Variants in NRXN3 observed in about 807,000 individuals in gnomAD.
NRXN3 encodes the protein neurexin 3.
In NRXN3, 32 loss-of-function variants were observed where a neutral mutation model predicts 137.6. The observed-to-expected ratio is 0.23, with a 90% CI of 0.18 to 0.31. The LOEUF (loss-of-function observed/expected upper bound fraction) is 0.31. Ranked by LOEUF, NRXN3 falls within the 10% of genes least tolerant of loss-of-function variation. The pLI, the probability that NRXN3 is intolerant of heterozygous loss-of-function variation, is 1.00. For missense variants in NRXN3, 1,574 were observed against 2,062.5 expected, an observed-to-expected ratio of 0.76 and a Z score of 4.59; for synonymous variants, 798 against 784.5, an observed-to-expected ratio of 1.02 and a Z score of -0.29.
chr14:78,686,255 A>T (rs1350373081), intron 6 of NRXN3, among the ~76,000 whole-genome samples: 1 of 152,204 alleles, frequency 6.6e-6, no homozygotes, highest in African/African-American at 2.4e-5. Flanking sequence ...TAATGAGTGG[A>T]TCGATAAATG....
intron 8 of NRXN3, among the ~76,000 whole-genome samples, chr14:78,789,701 T>C (rs2098799624): frequency 6.6e-6 from 1 of 152,210 alleles, no homozygotes; most frequent in Admixed American, 6.5e-5. Flanking sequence ...CTGTGCTTAA[T>C]AAATGATTTC....
intron 10 of NRXN3, among the ~76,000 whole-genome samples, chr14:78,812,018 G>A (rs947815423): frequency 1.3e-5 from 2 of 151,942 alleles, no homozygotes; most frequent in African/African-American, 4.8e-5. Flanking sequence ...GTTTTTTTAA[G>A]CAGCTTTATT....
At chr14:79,134,100 G>T (rs1332022335) in intron 15 of NRXN3, among the ~76,000 whole-genome samples, 1 of 151,902 alleles carries the variant, frequency 6.6e-6, no homozygotes, top group African/African-American at 2.4e-5. Flanking sequence ...CCCCTTAGTG[G>T]TGAAGAAACT....
At chr14:79,504,873 A>G (rs1473802340) in intron 16 of NRXN3, among the ~76,000 whole-genome samples, 1 of 151,954 alleles carries the variant, frequency 6.6e-6, no homozygotes, top group Non-Finnish European at 1.5e-5. Context: ...ATTTGCTTGT[A>G]GTCATAATAT....
At chr14:78,731,740 G>A (rs1170770125) in intron 8 of NRXN3, among the ~76,000 whole-genome samples, 1 of 149,852 alleles carries the variant, frequency 6.7e-6, no homozygotes, top group African/African-American at 2.5e-5. Flanking sequence ...TATATAACAT[G>A]TTAATGTAAT....
chr14:79,253,169 G>T (rs2076154554), intron 15 of NRXN3, among the ~76,000 whole-genome samples: 1 of 152,180 alleles, frequency 6.6e-6, no homozygotes, highest in African/African-American at 2.4e-5. Flanking sequence ...GTGTTTTGGG[G>T]AAGAGATTGT....
At chr14:78,867,023 T>C (rs1396072181) in intron 10 of NRXN3, among the ~76,000 whole-genome samples, 1 of 152,118 alleles carries the variant, frequency 6.6e-6, no homozygotes, top group Non-Finnish European at 1.5e-5. Flanking sequence ...GGTCTCGATC[T>C]CTTGACCTTG....
intron 10 of NRXN3, among the ~76,000 whole-genome samples, chr14:78,848,658 A>T (rs928448671): frequency 2.0e-5 from 3 of 152,176 alleles, no homozygotes; most frequent in Non-Finnish European, 4.4e-5. Flanking sequence ...AAATTGTTCA[A>T]CACTTCTTAA....
At chr14:79,769,658 G>T (rs561462314) in intron 19 of NRXN3, among the ~76,000 whole-genome samples, 1 of 151,872 alleles carries the variant, frequency 6.6e-6, no homozygotes, top group African/African-American at 2.4e-5. Context: ...GATACCAGCC[G>T]CTGCAAAATC....
intron 15 of NRXN3, among the ~76,000 whole-genome samples, chr14:79,071,247 A>G (rs1595619825): frequency 6.6e-6 from 1 of 151,768 alleles, no homozygotes; most frequent in Admixed American, 6.6e-5. Context: ...GCCATTTTCT[A>G]TTATACTTTA....
intron 19 of NRXN3, among the ~76,000 whole-genome samples, chr14:79,752,627 C>G (rs1477020285): frequency 1.3e-5 from 2 of 152,116 alleles, no homozygotes; most frequent in East Asian, 3.9e-4. Context: ...AGAAGAAAAC[C>G]AAGGCATTAC....
chr14:79,501,680 T>A (rs1382948306), intron 16 of NRXN3, among the ~76,000 whole-genome samples: 2 of 151,978 alleles, frequency 1.3e-5, no homozygotes, highest in Non-Finnish European at 2.9e-5. Flanking sequence ...ATTCTTCCTA[T>A]GACACCATTC....
chr14:79,419,802 A>G (rs1471509467), intron 15 of NRXN3, among the ~76,000 whole-genome samples: 1 of 152,184 alleles, frequency 6.6e-6, no homozygotes, highest in Non-Finnish European at 1.5e-5. Flanking sequence ...TGGATTACAT[A>G]ATGCAAGTAA....
intron 15 of NRXN3, among the ~76,000 whole-genome samples, chr14:79,091,328 G>C (rs1462946105): frequency 1.4e-4 from 21 of 152,094 alleles, no homozygotes; most frequent in Admixed American, 1.3e-3. Context: ...TGATCTAACA[G>C]GTAATAAGAA....
chr14:78,917,796 C>G (rs1268209599), intron 10 of NRXN3, among the ~76,000 whole-genome samples: 1 of 151,948 alleles, frequency 6.6e-6, no homozygotes, highest in Non-Finnish European at 1.5e-5. Flanking sequence ...ATCCAGAAAC[C>G]TAAGTGTGAA....
chr14:79,409,881 A>T (rs2095388746), intron 15 of NRXN3, among the ~76,000 whole-genome samples: 1 of 151,674 alleles, frequency 6.6e-6, no homozygotes, highest in African/African-American at 2.4e-5. Flanking sequence ...TTCTCATATT[A>T]AGCATGGACA....
chr14:78,378,213 G>A (rs1034647167), intron 4 of NRXN3, among the ~76,000 whole-genome samples: 13 of 152,166 alleles, frequency 8.5e-5, no homozygotes, highest in Non-Finnish European at 1.5e-4. Flanking sequence ...GGCCGGGAAC[G>A]GTGGCTCACG....
At chr14:79,582,407 G>C (rs2097724880) in intron 16 of NRXN3, among the ~76,000 whole-genome samples, 1 of 151,594 alleles carries the variant, frequency 6.6e-6, no homozygotes, top group Admixed American at 6.6e-5. Context: ...TTTGTTTATA[G>C]CTTGCAGTTG....
intron 15 of NRXN3, among the ~76,000 whole-genome samples, chr14:79,123,585 T>C (rs192328813): frequency 1.8e-4 from 28 of 152,240 alleles, no homozygotes; most frequent in Middle Eastern, 6.8e-3. Flanking sequence ...GATAAGAAAC[T>C]GTCCCCTCTC....
Sources: allele counts gnomAD v4.1 joint callset (sites outside exome capture counted in the v4.1 genomes callset), GRCh38; gene constraint gnomAD v4.1.1; transcripts MANE v1.5; gene names NCBI Gene and HGNC (gene_info 2026-07-23, HGNC 2026-07-21).